Variants in EVI5L observed in about 807,000 individuals in gnomAD.
EVI5L encodes EVI5-like protein.
In EVI5L, 30 loss-of-function variants were observed where a neutral mutation model predicts 106.1. The observed-to-expected ratio is 0.28, with a 90% CI of 0.21 to 0.38. The LOEUF (loss-of-function observed/expected upper bound fraction) is 0.38. Ranked by LOEUF, EVI5L falls within the 10% of genes least tolerant of loss-of-function variation. EVI5L has a pLI of 1.00. For synonymous variants in EVI5L, 489 were observed against 483.3 expected, an observed-to-expected ratio of 1.01 and a Z score of -0.15; for missense variants, 809 against 1,098.0, an observed-to-expected ratio of 0.74 and a Z score of 3.72.
chr19:7,863,076 C>CGGGGCCGGGGTCG lies in EVI5L; in HGVS notation c.2043+14_2043+26dup. The CGGGGCCGGGGTCG allele has an allele frequency of 8.3e-7, 1 of 1,201,286 alleles. No homozygotes were observed. Among genetic ancestry groups the CGGGGCCGGGGTCG allele is most frequent in the Non-Finnish European group, 1.2e-6 (1 of 864,908 alleles). The allele number at this position is 1,201,286 out of a possible 1,614,324, so 74.4% of individuals were successfully genotyped here. A position where few individuals can be genotyped will look rare whatever the true frequency, so the allele number is the denominator to read the frequency against. ...CCGAGCTGGAGATCCAGGTGATCGG[C>CGGGGCCGGGGTCG]GGGGCCGGGGTCGGGGGGCGGGGGC... On this transcript the variant is annotated intron_variant, in intron 18 of 19. Coordinates refer to ENST00000538904, the MANE Select transcript of EVI5L (RefSeq NM_001159944.3). This position sits in a 1 kb window ranked among gnomAD's most constrained non-coding sequence, Gnocchi z 7.7.
At chr19:7,833,341 C>A (rs935659211) in intron 1 of EVI5L, among the ~76,000 whole-genome samples, 1 of 152,250 alleles carries the variant, frequency 6.6e-6, no homozygotes, top group East Asian at 1.9e-4. Flanking sequence ...GCGGCGGCCC[C>A]CGCCATGTGC....
In EVI5L at chr19:7,848,031, G is replaced by T; in HGVS notation, c.327+110G>T. 2 of 1,187,460 alleles carry T rather than the reference G, an allele frequency of 1.7e-6. No homozygotes were observed. Among genetic ancestry groups the T allele is most frequent in the Non-Finnish European group, 2.3e-6 (2 of 866,052 alleles). 73.6% of individuals were successfully genotyped at this position (1,187,460 alleles called of 1,614,324 possible). The stretch of plus-strand genomic sequence containing the variant: ...TGCGGGGCCCCAGCCTGGGCACAGC[G>T]GCAGCAGTGGAGATGTGCAGGCACT... On this transcript the variant is annotated intron_variant, in intron 3 of 19. Transcript: ENST00000538904. This position sits in a 1 kb window ranked among gnomAD's most constrained non-coding sequence, Gnocchi z 4.8.
At chr19:7,837,409 G>A (rs1440501704) in intron 1 of EVI5L, among the ~76,000 whole-genome samples, 6 of 152,144 alleles carry the variant, frequency 3.9e-5, no homozygotes, top group African/African-American at 1.4e-4. Flanking sequence ...TTGAGAAGAC[G>A]ATACAGAGTT....
intron 2 of EVI5L, 107 bp downstream of exon 2, chr19:7,846,786 G>T: frequency 7.1e-7 from 1 of 1,416,594 alleles, no homozygotes; most frequent in Non-Finnish European, 9.4e-7. Flanking sequence ...TGTGTGCAAT[G>T]TGACAGCCAC....
Position 7,843,304 on chromosome 19 carries a change from TGA to T in EVI5L, c.-47-3187_-47-3186del, listed in dbSNP as rs201205719. ...TGTGTGTGTCATGTGTGCATGTGTG[TGA>T]GAGAATAGGCATGGGTGTGTTGAGT... On this transcript the variant is annotated intron_variant, in intron 1 of 19. Coordinates refer to ENST00000538904, the MANE Select transcript of EVI5L (RefSeq NM_001159944.3). 4.0e-3 allele frequency among the ~76,000 whole-genome samples: 590 copies of T among 146,936 alleles called. 4 individuals carry two copies. The highest frequency in any genetic ancestry group is 0.021 in the South Asian group (94 of 4,500).
chr19:7,851,498 C>G lies in EVI5L; in HGVS notation c.818C>G (p.Ser273Trp). The change falls in exon 7 of 20, where the codon TCG becomes TGG. Residue 273 changes from serine (S) to tryptophan (W), a missense_variant. By Grantham distance (177) the Ser-to-Trp change is radical. Coordinates refer to ENST00000538904, the MANE Select transcript of EVI5L (RefSeq NM_001159944.3). ...SQSFHTSMYA[S>W]SWFLTLFLTT... ...AGCTTCCACACATCCATGTATGCCT[C>G]GTCCTGGTTCCTCACACTGTTCCTG... 6.2e-7 allele frequency: 1 copy of G among 1,613,604 alleles called. No individual in the cohort carries two copies.
intron 14 of EVI5L, 75 bp downstream of exon 14, chr19:7,860,764 A>T: frequency 6.9e-7 from 1 of 1,451,002 alleles, no homozygotes; most frequent in Non-Finnish European, 9.2e-7. Flanking sequence ...AAGCTTTGGG[A>T]GTGACCCCAG....
At position 7,858,281 on chromosome 19, in the gene EVI5L, G is replaced by A. The variant is rs1299597664; in HGVS notation, c.1324G>A (p.Glu442Lys). Residue 442 changes from glutamate (E) to lysine (K), a missense_variant, in exon 13 of 20, where the codon GAG becomes AAG. Physicochemically the swap from Glu to Lys is moderately conservative, Grantham distance 56. This residue lies in a region of EVI5L where 452 missense variants were observed against 509.9 expected (regional missense o/e 0.89). Transcript: ENST00000538904. This position sits in a 1 kb window ranked among gnomAD's most constrained non-coding sequence, Gnocchi z 5.7. ...GCGGCAGCAGTGCAGCTCGGCGGCC[G>A]AGGACCTGCAGAAGGCACAGAGCAC... is the stretch of plus-strand genomic sequence containing the variant. ...VVRQQCSSAA[E>K]DLQKAQSTIR... 2 of 1,551,650 alleles carry A rather than the reference G, an allele frequency of 1.3e-6. No homozygotes were observed. The highest frequency in any genetic ancestry group is 1.2e-5 in the South Asian group (1 of 84,200).
At chr19:7,844,465 G>A (rs1344988429) in intron 1 of EVI5L, among the ~76,000 whole-genome samples, 1 of 152,030 alleles carries the variant, frequency 6.6e-6, no homozygotes, top group Admixed American at 6.6e-5. Flanking sequence ...CTGTGGTTCT[G>A]AGGCTCCAGC....
chr19:7,860,065 G>T (rs1385853454), intron 13 of EVI5L, among the ~76,000 whole-genome samples: 1 of 152,242 alleles, frequency 6.6e-6, no homozygotes, highest in Non-Finnish European at 1.5e-5. Flanking sequence ...CTTCTGAGAA[G>T]CCAGGGCATG....
intron 16 of EVI5L, 50 bp downstream of exon 16, chr19:7,862,327 C>A: frequency 6.3e-7 from 1 of 1,583,230 alleles, no homozygotes; most frequent in Admixed American, 1.8e-5. Context: ...TGTCCGTGGC[C>A]AGCCCCTGAG....
In EVI5L at chr19:7,861,961, G is replaced by A. The variant is rs1437359761; in HGVS notation, c.1587G>A (p.Ala529=). ...LKALKVREGQ[A]VASTRELKLQ... Reference sequence around the variant, plus strand: ...CGCTCAAGGTGCGGGAAGGCCAGGCGGTGGCCTCGACGCGAGAGCTTAAAC... The same window carrying A: ...CGCTCAAGGTGCGGGAAGGCCAGGCAGTGGCCTCGACGCGAGAGCTTAAAC... Residue 529 remains alanine (A), a synonymous_variant, in exon 15 of 20, where the codon GCG becomes GCA. Coordinates refer to ENST00000538904, the MANE Select transcript of EVI5L (RefSeq NM_001159944.3). 1 of 1,549,772 alleles carries A rather than the reference G, an allele frequency of 6.5e-7. No homozygotes were observed. The highest frequency in any genetic ancestry group is 1.4e-5 in the African/African-American group (1 of 73,040).
chr19:7,863,766 G>A lies in EVI5L; in HGVS notation c.*64G>A, dbSNP rs1359123731. On this transcript the variant is annotated 3_prime_UTR_variant, in exon 20 of 20. Coordinates refer to ENST00000538904, the MANE Select transcript of EVI5L (RefSeq NM_001159944.3). The surrounding 1 kb of genome is among the most constrained non-coding windows in gnomAD (Gnocchi z 7.7). Reference sequence around the variant, plus strand: ...CGCGGGGGGCGCCCGGGCAGTCCGCGTTCTGCTCCCCACCTGCCGCACTTG... The same window carrying A: ...CGCGGGGGGCGCCCGGGCAGTCCGCATTCTGCTCCCCACCTGCCGCACTTG... The A allele has an allele frequency of 6.3e-6, 9 of 1,420,310 alleles. No individual in the cohort carries two copies. Among genetic ancestry groups the A allele is most frequent in the Non-Finnish European group, 8.2e-6 (9 of 1,093,612 alleles). The allele number at this position is 1,420,310 out of a possible 1,614,324, so 88.0% of individuals were successfully genotyped here.
intron 4 of EVI5L, 21 bp downstream of exon 4, chr19:7,849,166 C>A (rs1412038755): frequency 1.2e-6 from 2 of 1,611,970 alleles, no homozygotes; most frequent in South Asian, 2.2e-5. Flanking sequence ...GGGCTCCCCG[C>A]TCCCTCGGTC....
Position 7,849,050 on chromosome 19 carries a change from C to T in EVI5L, c.457C>T (p.Leu153=). ...LLKMSSPCEK[L]IRRDIARTYP... ...CAAGATGTCCTCGCCGTGCGAGAAG[C>T]TGATCCGCAGGGACATCGCCCGCAC... The change falls in exon 4 of 20, where the codon CTG becomes TTG. Residue 153 remains leucine (L), a synonymous_variant. Transcript: ENST00000538904. 1.2e-6 allele frequency: 2 copies of T among 1,613,536 alleles called. No homozygotes were observed. Among genetic ancestry groups the T allele is most frequent in the Non-Finnish European group, 1.7e-6 (2 of 1,179,924 alleles).
At chr19:7,836,953 A>C (rs912568396) in intron 1 of EVI5L, among the ~76,000 whole-genome samples, 3 of 151,916 alleles carry the variant, frequency 2.0e-5, no homozygotes, top group Admixed American at 2.0e-4. Flanking sequence ...TTTTTAAAAT[A>C]GACTTGGGCT....
In EVI5L at chr19:7,862,647, T is replaced by C. The variant is rs371801132; in HGVS notation, c.1947+113T>C. On this transcript the variant is annotated intron_variant, in intron 17 of 19. Coordinates refer to ENST00000538904, the MANE Select transcript of EVI5L (RefSeq NM_001159944.3). ...GGCGTCCTGCCTCCCGATCTGCCCCTGCCCGCGGTCCTCCCGCCCCCGCCC... is the reference window on the plus strand; with the variant it reads ...GGCGTCCTGCCTCCCGATCTGCCCCCGCCCGCGGTCCTCCCGCCCCCGCCC... 6.2e-4 allele frequency: 552 copies of C among 895,810 alleles called. 6 individuals carry two copies. The East Asian group carries it at 0.02, about 32-fold the overall frequency. The allele number at this position is 895,810 out of a possible 1,614,324, so 55.5% of individuals were successfully genotyped here. A position where few individuals can be genotyped will look rare whatever the true frequency, so the allele number is the denominator to read the frequency against.
At position 7,851,757 on chromosome 19, in the gene EVI5L, A is replaced by G; in HGVS notation, c.974A>G (p.Glu325Gly). 6.6e-7 allele frequency: 1 copy of G among 1,505,026 alleles called. No individual in the cohort carries two copies. Among genetic ancestry groups the G allele is most frequent in the Non-Finnish European group, 8.9e-7 (1 of 1,129,172 alleles). The allele number at this position is 1,505,026 out of a possible 1,614,324, so 93.2% of individuals were successfully genotyped here. ...GCAGAGCTGATGCAGCTGGACATGGAGGGGATGTCCCAGGTGGGCCGGGAG... is the reference window on the plus strand; with the variant it reads ...GCAGAGCTGATGCAGCTGGACATGGGGGGGATGTCCCAGGTGGGCCGGGAG... ...NQAELMQLDM[E>G]GMSQYFQRVI... The change falls in exon 8 of 20, where the codon GAG (glutamate) becomes GGG (glycine). Residue 325 changes from glutamate to glycine, a missense_variant. Around this residue, in one of 2 missense-constraint regions of EVI5L, gnomAD observed 357 missense variants for 588.1 expected, o/e 0.61. Coordinates refer to ENST00000538904, the MANE Select transcript of EVI5L (RefSeq NM_001159944.3).
Position 7,863,387 on chromosome 19 carries a change from G to C in EVI5L, c.2140-37G>C. The C allele has an allele frequency of 1.3e-6, 2 of 1,529,066 alleles. No individual in the cohort carries two copies. Among genetic ancestry groups the C allele is most frequent in the Non-Finnish European group, 1.8e-6 (2 of 1,138,052 alleles). 94.7% of individuals were successfully genotyped at this position (1,529,066 alleles called of 1,614,324 possible). On this transcript the variant is annotated intron_variant, in intron 19 of 19. Coordinates refer to ENST00000538904, the MANE Select transcript of EVI5L (RefSeq NM_001159944.3). This position sits in a 1 kb window ranked among gnomAD's most constrained non-coding sequence, Gnocchi z 7.7. ...TGCGGCTGGGAGGGCGGGGCAGAAGGCCGGTCCACGCCTGCAGCGCCGGTC... is the reference window on the plus strand; with the variant it reads ...TGCGGCTGGGAGGGCGGGGCAGAAGCCCGGTCCACGCCTGCAGCGCCGGTC...
Sources: gnomAD v4.1 joint callset for allele counts (sites outside exome capture counted in the v4.1 genomes callset) on GRCh38, gnomAD v4.1.1 for gene constraint, gnomAD v4.1.1 regional missense constraint, Gnocchi (gnomAD v3.1) non-coding constraint, MANE v1.5 for transcripts, NCBI Gene and HGNC (gene_info 2026-07-23, HGNC 2026-07-21) for gene names.